The following BICD1 variants were observed in gnomAD, a reference collection of about 807,000 sequenced individuals.
BICD1 encodes protein bicaudal D homolog 1.
In BICD1, 35 loss-of-function variants were observed where a neutral mutation model predicts 92.5. The ratio of observed to expected loss-of-function variants is 0.38; its 90% CI spans 0.29 to 0.50. The LOEUF (loss-of-function observed/expected upper bound fraction) is 0.50, where lower values mean the gene tolerates loss of function less well. Ranked by LOEUF, BICD1 falls within the 20% of genes least tolerant of loss-of-function variation. BICD1 has a pLI of 0.93. For synonymous variants in BICD1, 429 were observed against 465.1 expected (o/e 0.92, Z 1.00); for missense variants, 950 against 1,189.8 (o/e 0.80, Z 2.97).
At chr12:32,288,945 C>T (rs1313582101) in intron 2 of BICD1, among the ~76,000 whole-genome samples, 1 of 151,856 alleles carries the variant, frequency 6.6e-6, no homozygotes, top group East Asian at 1.9e-4. Flanking sequence ...AAATATTATT[C>T]TGAGAAGAGG....
intron 1 of BICD1, among the ~76,000 whole-genome samples, chr12:32,119,904 G>C (rs1942081890): frequency 6.6e-6 from 1 of 152,114 alleles, no homozygotes; most frequent in Admixed American, 6.6e-5. Context: ...GGGAAGTTAT[G>C]AGCTAATACA....
Position 32,204,091 on chromosome 12 carries a change from G to C in BICD1, c.214-12156G>C, listed in dbSNP as rs1944982735. ...AGGTTGGGCGTGGTGGCTCACACCT[G>C]TAATCCCAACATTTTGGGAGGCCTA... On this transcript the variant is annotated intron_variant, in intron 1 of 9. Transcript: ENST00000652176. Among the ~76,000 whole-genome samples, 8 of 152,266 alleles carry C rather than the reference G, an allele frequency of 5.3e-5. No homozygotes were observed. The South Asian group carries it at 1.5e-3, about 28-fold the overall frequency.
rs888269259 is a variant in BICD1 at position 32,107,554 on chromosome 12, C to T, written c.213+10C>T. On this transcript the variant is annotated intron_variant, in intron 1 of 9. Coordinates refer to ENST00000652176, the MANE Select transcript of BICD1 (RefSeq NM_001714.4). ...GGAGCAGCTCAAAGAGGTGAGTTGCCTGTCACCTCTCCCTTTCCTGGCCCT... is the reference window on the plus strand; with the variant it reads ...GGAGCAGCTCAAAGAGGTGAGTTGCTTGTCACCTCTCCCTTTCCTGGCCCT... 24 of 1,567,368 alleles carry T rather than the reference C, an allele frequency of 1.5e-5. No individual in the cohort carries two copies. Among genetic ancestry groups the T allele is most frequent in the African/African-American group, 5.4e-5 (4 of 74,186 alleles).
intron 2 of BICD1, among the ~76,000 whole-genome samples, chr12:32,269,880 A>G (rs889367816): frequency 5.9e-5 from 9 of 152,212 alleles, no homozygotes; most frequent in East Asian, 5.8e-4. Context: ...TTGTAATCCC[A>G]GCACTTTGGA....
At chr12:32,108,492 G>T in intron 1 of BICD1, 1 of 487,604 alleles carries the variant, frequency 2.1e-6, no homozygotes, top group Non-Finnish European at 3.7e-6. Flanking sequence ...GAGGCACTAT[G>T]GGTAGCAAAT....
chr12:32,153,781 A>ATG (rs57798666), intron 1 of BICD1, among the ~76,000 whole-genome samples: 4,283 of 148,252 alleles, frequency 0.029, 210 homozygotes, highest in African/African-American at 0.099. Context: ...ATATATATAT[A>ATG]TGTGTGTGTG....
intron 2 of BICD1, among the ~76,000 whole-genome samples, chr12:32,271,924 G>T (rs918802765): frequency 6.6e-6 from 1 of 152,090 alleles, no homozygotes; most frequent in Non-Finnish European, 1.5e-5. Flanking sequence ...ATACTTAAGG[G>T]TTCCTGGGTC....
intron 1 of BICD1, among the ~76,000 whole-genome samples, chr12:32,165,248 G>T (rs1435197853): frequency 1.3e-5 from 2 of 152,202 alleles, no homozygotes; most frequent in Non-Finnish European, 2.9e-5. Context: ...GGGCGCGGTG[G>T]CTCATGCCTG....
intron 5 of BICD1, chr12:32,332,676 A>C (rs1318618439): frequency 3.4e-6 from 1 of 297,186 alleles, no homozygotes; most frequent in Non-Finnish European, 5.0e-6. Flanking sequence ...AAGGTTTCCT[A>C]GAGGAGCGGA....
chr12:32,182,431 C>T (rs1384804806), intron 1 of BICD1, among the ~76,000 whole-genome samples: 1 of 151,136 alleles, frequency 6.6e-6, no homozygotes, highest in African/African-American at 2.4e-5. Context: ...TACAGGTGGG[C>T]GTCACCATGC....
At chr12:32,291,085 A>T (rs1470105998) in intron 2 of BICD1, among the ~76,000 whole-genome samples, 1 of 152,214 alleles carries the variant, frequency 6.6e-6, no homozygotes, top group Non-Finnish European at 1.5e-5. Context: ...ATGAAAGATT[A>T]TGTGTTTATA....
At chr12:32,323,405 T>C (rs932945118) in intron 4 of BICD1, among the ~76,000 whole-genome samples, 1 of 152,204 alleles carries the variant, frequency 6.6e-6, no homozygotes, top group Non-Finnish European at 1.5e-5. Flanking sequence ...ATTCACTAAC[T>C]CACTTCATCA....
intron 1 of BICD1, among the ~76,000 whole-genome samples, chr12:32,161,580 A>G (rs1255108024): frequency 1.3e-5 from 2 of 152,264 alleles, no homozygotes; most frequent in Non-Finnish European, 2.9e-5. Flanking sequence ...TGGACCAAAC[A>G]TTCAGTGAAT....
At chr12:32,288,663 C>G (rs1947645273) in intron 2 of BICD1, among the ~76,000 whole-genome samples, 1 of 152,018 alleles carries the variant, frequency 6.6e-6, no homozygotes, top group Non-Finnish European at 1.5e-5. Context: ...GTCAGAAGTT[C>G]AAGACCAGCC....
At chr12:32,121,901 C>T (rs1369207710) in intron 1 of BICD1, among the ~76,000 whole-genome samples, 1 of 150,832 alleles carries the variant, frequency 6.6e-6, no homozygotes, top group Non-Finnish European at 1.5e-5. Context: ...GCAGCTTTGA[C>T]TTCCCAGGCT....
At position 32,357,102 on chromosome 12, in the gene BICD1, C is replaced by G. The variant is rs191437950; in HGVS notation, c.2765-10568C>G. 8.4e-4 allele frequency among the ~76,000 whole-genome samples: 127 copies of G among 151,880 alleles called. 2 individuals are homozygous for G. The Middle Eastern group carries it at 0.024, about 29-fold the overall frequency. On this transcript the variant is annotated intron_variant, in intron 8 of 9. Transcript: ENST00000652176. ...TCTCGGCTCATTGCAACCTCCACCC[C>G]CCGGGTTCAAGCAATTCTTCTGCCT...
At chr12:32,253,463 A>C (rs558204518) in intron 2 of BICD1, among the ~76,000 whole-genome samples, 14 of 152,056 alleles carry the variant, frequency 9.2e-5, no homozygotes, top group Non-Finnish European at 1.9e-4. Flanking sequence ...TAATTTGATG[A>C]TAAGAGCTCA....
intron 1 of BICD1, among the ~76,000 whole-genome samples, chr12:32,161,503 T>A (rs1943600103): frequency 6.6e-6 from 1 of 152,218 alleles, no homozygotes; most frequent in Admixed American, 6.5e-5. Context: ...AGTTTCAATT[T>A]GTCTTTATTT....
At chr12:32,248,228 A>G (rs326643) in intron 2 of BICD1, among the ~76,000 whole-genome samples, 65,175 of 151,942 alleles carry the variant, frequency 0.43, 14,173 homozygotes, top group Non-Finnish European at 0.47. Flanking sequence ...TAATTACTGG[A>G]TTTGGCAAGA....
Sources: allele counts gnomAD v4.1 joint callset (sites outside exome capture counted in the v4.1 genomes callset), GRCh38; gene constraint gnomAD v4.1.1; transcripts MANE v1.5; gene names NCBI Gene and HGNC (gene_info 2026-07-23, HGNC 2026-07-21).